The following MACF1 variants were observed in gnomAD, a reference collection of about 807,000 sequenced individuals.
MACF1 encodes microtubule actin crosslinking factor 1.
Under a neutral mutation model 854.8 loss-of-function variants are expected in MACF1, and 193 were observed. The ratio of observed to expected loss-of-function variants is 0.23; its 90% CI spans 0.20 to 0.25. The LOEUF is 0.25. Among genes scored for constraint, MACF1 ranks in the 10% least tolerant of loss-of-function variants. The pLI is 1.00. For synonymous variants in MACF1, 3,185 were observed against 3,226.7 expected, an observed-to-expected ratio of 0.99 and a Z score of 0.44; for missense variants, 7,722 against 8,929.1, an observed-to-expected ratio of 0.86 and a Z score of 5.45.
At chr1:39,428,308 A>G (rs1643789024) in intron 63 of MACF1, 21 bp downstream of exon 63, 2 of 1,565,910 alleles carry the variant, frequency 1.3e-6, no homozygotes, top group African/African-American at 2.7e-5. Flanking sequence ...TTCCATTTTT[A>G]TTGGTTATGT....
At chr1:39,417,555 T>A (rs1458160978) in intron 58 of MACF1, among the ~76,000 whole-genome samples, 1 of 127,712 alleles carries the variant, frequency 7.8e-6, no homozygotes, top group Non-Finnish European at 1.7e-5. Context: ...AAAGTTTTTG[T>A]TTTTTTTTTT....
chr1:39,300,056 C>T (rs189106524), intron 21 of MACF1, among the ~76,000 whole-genome samples, 154 bp from the exon 22 acceptor site: 1 of 152,262 alleles, frequency 6.6e-6, no homozygotes, highest in Admixed American at 6.5e-5. Flanking sequence ...TTTTCTTTAT[C>T]ATTGTCTAAG....
In MACF1 at chr1:39,387,980, C is replaced by A. The variant is rs1375034416; in HGVS notation, c.15138C>A (p.Asn5046Lys). Reference sequence around the variant, plus strand: ...CTCTGGGTTCTCAAGCCTGTAGCAACAAGAACCTGGAGAAGCTAAGAGCTC... The same window carrying A: ...CTCTGGGTTCTCAAGCCTGTAGCAAAAAGAACCTGGAGAAGCTAAGAGCTC... ...FDALGSQACSNKNLEKLRAQQ... is the reference protein window; with the variant it reads ...FDALGSQACSKKNLEKLRAQQ... The change falls in exon 58 of 101, where the codon AAC becomes AAA. Residue 5046 changes from asparagine to lysine, a missense_variant. This residue lies in a region of MACF1 where 2,807 missense variants were observed against 3,235.8 expected (regional missense o/e 0.87). Transcript: ENST00000564288. 2 of 1,614,044 alleles carry A rather than the reference C, an allele frequency of 1.2e-6. No homozygotes were observed. Among genetic ancestry groups the A allele is most frequent in the East Asian group, 4.5e-5 (2 of 44,874 alleles).
intron 2 of MACF1, among the ~76,000 whole-genome samples, chr1:39,183,764 C>A (rs1331873248): frequency 2.0e-5 from 3 of 152,140 alleles, no homozygotes; most frequent in Non-Finnish European, 2.9e-5. Context: ...CTTCTTTCAT[C>A]ATTTGCCCAT....
intron 68 of MACF1, 58 bp downstream of exon 68, chr1:39,433,213 A>C: frequency 9.4e-7 from 1 of 1,066,810 alleles, no homozygotes; most frequent in South Asian, 1.4e-5. Flanking sequence ...GTGAATTAGA[A>C]GCACAATTGT....
intron 17 of MACF1, 103 bp downstream of exon 17, chr1:39,292,946 G>A (rs896931861): frequency 1.2e-5 from 11 of 886,408 alleles, no homozygotes; most frequent in Non-Finnish European, 1.7e-5. Flanking sequence ...CCCTGTTTTG[G>A]TTTTCTGCTT....
Position 39,315,705 on chromosome 1 carries a change from G to A in MACF1, c.3449+14G>A, listed in dbSNP as rs565393869. The A allele has an allele frequency of 1.6e-5, 26 of 1,611,364 alleles. No individual in the cohort carries two copies. The East Asian group carries it at 4.5e-4, about 28-fold the overall frequency. ...ATATCTGAATAAGTGAGTGAGCTGA[G>A]GTTTTGGGTCCAAGAGCAATATTTT... is the stretch of plus-strand genomic sequence containing the variant. On this transcript the variant is annotated intron_variant, in intron 27 of 100. Coordinates refer to ENST00000564288, the MANE Select transcript of MACF1 (RefSeq NM_001394062.1).
Position 39,353,148 on chromosome 1 carries a change from A to G in MACF1, c.11341A>G (p.Lys3781Glu). Residue 3781 changes from lysine to glutamate, a missense_variant, in exon 44 of 101, where the codon AAA becomes GAA. Lys to Glu is a moderately conservative substitution (Grantham distance 56). Around this residue, in one of 15 missense-constraint regions of MACF1, gnomAD observed 2,807 missense variants for 3,235.8 expected, o/e 0.87. Coordinates refer to ENST00000564288, the MANE Select transcript of MACF1 (RefSeq NM_001394062.1). ...GCAGCTCTCGGGAGCTAGCTTGGAG[A>G]AAGGAGCCTTGGACACCACTGATGG... ...MEQLSGASLE[K>E]GALDTTDGYM... is the part of the protein sequence containing the mutation. 6.2e-7 allele frequency: 1 copy of G among 1,614,160 alleles called. No homozygotes were observed. The highest frequency in any genetic ancestry group is 1.3e-5 in the African/African-American group (1 of 75,060).
chr1:39,192,817 C>T (rs769092523), intron 2 of MACF1, among the ~76,000 whole-genome samples: 57 of 152,116 alleles, frequency 3.7e-4, no homozygotes, highest in Non-Finnish European at 7.1e-4. Flanking sequence ...AAACAAAAGG[C>T]GTGAACTTGT....
chr1:39,416,447 AC>A (rs1403966760), intron 58 of MACF1, among the ~76,000 whole-genome samples: 2 of 151,990 alleles, frequency 1.3e-5, no homozygotes, highest in African/African-American at 4.8e-5. Context: ...GAGTTCGAGA[AC>A]AGCCTAGGCA....
chr1:39,353,806 G>A (rs922516256), intron 44 of MACF1, among the ~76,000 whole-genome samples: 6 of 151,310 alleles, frequency 4.0e-5, no homozygotes, highest in African/African-American at 1.5e-4. Context: ...ACTCTCCTAT[G>A]TCAAATCAGT....
intron 2 of MACF1, among the ~76,000 whole-genome samples, chr1:39,113,070 C>T (rs1226378551): frequency 6.6e-6 from 1 of 152,118 alleles, no homozygotes; most frequent in Admixed American, 6.6e-5. Flanking sequence ...TCTACTGTCA[C>T]CCATCATTTA....
chr1:39,130,470 A>G (rs758820341), intron 2 of MACF1, among the ~76,000 whole-genome samples: 11 of 152,216 alleles, frequency 7.2e-5, no homozygotes, highest in Non-Finnish European at 1.3e-4. Flanking sequence ...CTGTTTTCAG[A>G]TAAATCCTCC....
chr1:39,484,297 ATTGT>A (rs1645067547), intron 99 of MACF1, among the ~76,000 whole-genome samples: 1 of 151,880 alleles, frequency 6.6e-6, no homozygotes, highest in Non-Finnish European at 1.5e-5. Flanking sequence ...ATTCACCATA[ATTGT>A]TTGTTGTAAC....
At chr1:39,399,105 C>G (rs1318976505) in intron 58 of MACF1, among the ~76,000 whole-genome samples, 1 of 152,280 alleles carries the variant, frequency 6.6e-6, no homozygotes, top group East Asian at 1.9e-4. Context: ...GATTTCCTGA[C>G]CTTCTGTCTG....
In MACF1 at chr1:39,169,023, T is replaced by C. The variant is rs1028465263; in HGVS notation, c.221-62159T>C. ...ACTCACATTCTTCCAGTCTCTGAGA[T>C]TAGAAACCTTGCAGACATCTGTTAA... On this transcript the variant is annotated intron_variant, in intron 2 of 93. Transcript: ENST00000361689. Among the ~76,000 whole-genome samples the C allele has an allele frequency of 6.6e-5, 10 of 152,358 alleles. No homozygotes were observed. The South Asian group carries it at 2.1e-3, about 32-fold the overall frequency.
chr1:39,097,933 A>G (rs1037075160), intron 2 of MACF1, among the ~76,000 whole-genome samples: 1 of 151,924 alleles, frequency 6.6e-6, no homozygotes, highest in Non-Finnish European at 1.5e-5. Context: ...CTACCTTGAG[A>G]TGGTGTTGGA....
At chr1:39,413,121 C>T in intron 58 of MACF1, 2 of 1,610,060 alleles carry the variant, frequency 1.2e-6, no homozygotes, top group Non-Finnish European at 1.7e-6. Flanking sequence ...CAGGGTTCTC[C>T]CCAGAGTGGG....
At chr1:39,411,157 C>T (rs1012840768) in intron 58 of MACF1, 2 of 1,613,686 alleles carry the variant, frequency 1.2e-6, no homozygotes, top group Non-Finnish European at 1.7e-6. Context: ...GAGTGAAGAG[C>T]TGTTAGATCC....
Sources: allele counts gnomAD v4.1 joint callset (sites outside exome capture counted in the v4.1 genomes callset), GRCh38; gene constraint gnomAD v4.1.1; regional missense constraint gnomAD v4.1.1; transcripts MANE v1.5; gene names NCBI Gene and HGNC (gene_info 2026-07-23, HGNC 2026-07-21).